GRIN2A: variants seen among roughly 807,000 people sequenced by gnomAD.
GRIN2A encodes glutamate ionotropic receptor NMDA type subunit 2A.
In GRIN2A, 22 loss-of-function variants were observed where a neutral mutation model predicts 113.4. The ratio of observed to expected loss-of-function variants is 0.19; its 90% CI spans 0.14 to 0.28. The LOEUF (loss-of-function observed/expected upper bound fraction) is 0.28. Among genes scored for constraint, GRIN2A ranks in the 10% least tolerant of loss-of-function variants. The pLI, the probability that GRIN2A is intolerant of heterozygous loss-of-function variation, is 1.00. For missense variants in GRIN2A, 1,502 were observed against 1,887.0 expected (o/e 0.80, Z 3.78); for synonymous variants, 827 against 738.4 (o/e 1.12, Z -1.94).
intron 2 of GRIN2A, among the ~76,000 whole-genome samples, chr16:10,064,563 T>C (rs7197200): frequency 0.14 from 21,226 of 152,228 alleles, 2,053 homozygotes; most frequent in African/African-American, 0.27. Context: ...GCTTTTATGA[T>C]CCAGGTCTCC....
rs2050246869 is a variant in GRIN2A, at chr16:10,180,487, G to A, written c.-18-58C>T. On this transcript the variant is annotated intron_variant, in intron 1 of 12. Transcript: ENST00000330684. This position sits in a 1 kb window ranked among gnomAD's most constrained non-coding sequence, Gnocchi z 7.0. ...GTGAGCAAGGCGACCAGAAGAAAGG[G>A]ATTACCAACTTGGCTTCCTGCTCTA... 1 of 1,548,570 alleles carries A rather than the reference G, an allele frequency of 6.5e-7. No homozygotes were observed. The highest frequency in any genetic ancestry group is 1.4e-5 in the African/African-American group (1 of 73,774).
chr16:10,098,765 C>T (rs2048340842), intron 2 of GRIN2A, among the ~76,000 whole-genome samples: 1 of 152,062 alleles, frequency 6.6e-6, no homozygotes, highest in Admixed American at 6.5e-5. Flanking sequence ...TATGAGAATG[C>T]AAAGGCATAA....
intron 2 of GRIN2A, among the ~76,000 whole-genome samples, chr16:10,178,403 GCC>G (rs2050193515): frequency 6.6e-6 from 1 of 152,240 alleles, no homozygotes; most frequent in Admixed American, 6.5e-5. Flanking sequence ...AGCTACATCA[GCC>G]ACTATGTGGT....
At chr16:9,947,600 CA>C (rs1308928004) in intron 2 of GRIN2A, among the ~76,000 whole-genome samples, 1 of 152,206 alleles carries the variant, frequency 6.6e-6, no homozygotes, top group Non-Finnish European at 1.5e-5. Context: ...GAAATGTCTC[CA>C]AACAGCTCTG....
At chr16:10,155,459 A>G (rs1301495119) in intron 2 of GRIN2A, among the ~76,000 whole-genome samples, 5 of 152,132 alleles carry the variant, frequency 3.3e-5, no homozygotes, top group African/African-American at 9.7e-5. Flanking sequence ...CATATTTCAC[A>G]TCTGTATGAT....
chr16:9,808,715 G>A (rs1484206101), intron 10 of GRIN2A, among the ~76,000 whole-genome samples: 1 of 152,060 alleles, frequency 6.6e-6, no homozygotes, highest in East Asian at 1.9e-4. Context: ...TGCACCAAGA[G>A]GCCACTCAGA....
At chr16:10,019,378 G>A (rs1046989799) in intron 2 of GRIN2A, among the ~76,000 whole-genome samples, 1 of 152,112 alleles carries the variant, frequency 6.6e-6, no homozygotes, top group African/African-American at 2.4e-5. Context: ...ATCTATCACA[G>A]TCTGGCATAC....
intron 10 of GRIN2A, among the ~76,000 whole-genome samples, chr16:9,815,533 T>C (rs921611854): frequency 6.6e-5 from 10 of 151,610 alleles, no homozygotes; most frequent in Admixed American, 6.6e-5. Context: ...AAGCGCTCGA[T>C]ACCACTAATC....
chr16:10,123,485 G>A (rs1465421879), intron 2 of GRIN2A, among the ~76,000 whole-genome samples: 37 of 152,128 alleles, frequency 2.4e-4, no homozygotes, highest in Non-Finnish European at 1.3e-4. Context: ...GAAGTCGCAC[G>A]TTGTTTCTAA....
At chr16:9,904,174 A>G (rs1250525490) in intron 3 of GRIN2A, among the ~76,000 whole-genome samples, 1 of 152,218 alleles carries the variant, frequency 6.6e-6, no homozygotes, top group African/African-American at 2.4e-5. Flanking sequence ...ATACCAAACT[A>G]TCACAGTGTG....
chr16:9,762,934 G>T lies in GRIN2A; in HGVS notation c.*215C>A. On this transcript the variant is annotated 3_prime_UTR_variant, in exon 13 of 13. Coordinates refer to ENST00000330684, the MANE Select transcript of GRIN2A (RefSeq NM_001134407.3). ...TTTTTGGTTAAGGACTCACCTATCTGGTGTCTGCCATGCTCAGCACACACC... is the reference window on the plus strand; with the variant it reads ...TTTTTGGTTAAGGACTCACCTATCTTGTGTCTGCCATGCTCAGCACACACC... The T allele has an allele frequency of 1.7e-6, 1 of 605,154 alleles. No homozygotes were observed. The highest frequency in any genetic ancestry group is 2.9e-6 in the Non-Finnish European group (1 of 341,938). The allele number at this position is 605,154 out of a possible 1,614,324, so 37.5% of individuals were successfully genotyped here.
At chr16:9,923,142 G>A (rs887307391) in intron 3 of GRIN2A, among the ~76,000 whole-genome samples, 2 of 151,904 alleles carry the variant, frequency 1.3e-5, no homozygotes, top group East Asian at 1.9e-4. Flanking sequence ...TTATTTTGAA[G>A]CTATACTAGA....
chr16:9,812,712 AAAAC>A (rs1410853356), intron 10 of GRIN2A, among the ~76,000 whole-genome samples: 5 of 152,208 alleles, frequency 3.3e-5, no homozygotes, highest in East Asian at 3.8e-4. Context: ...AAAAATTTAA[AAAAC>A]AAAGAATTGC....
chr16:10,025,188 G>C (rs144317924), intron 2 of GRIN2A, among the ~76,000 whole-genome samples: 74 of 152,132 alleles, frequency 4.9e-4, no homozygotes, highest in African/African-American at 1.7e-3. Context: ...ATTACTAATG[G>C]TGCAGCTGAA....
At chr16:9,864,994 G>C (rs1333874556) in intron 4 of GRIN2A, among the ~76,000 whole-genome samples, 1 of 152,140 alleles carries the variant, frequency 6.6e-6, no homozygotes, top group Non-Finnish European at 1.5e-5. Flanking sequence ...GCACACTGAT[G>C]AGAATTTCAA....
At chr16:9,855,762 G>A (rs1567349247) in intron 4 of GRIN2A, among the ~76,000 whole-genome samples, 1 of 152,172 alleles carries the variant, frequency 6.6e-6, no homozygotes, top group Admixed American at 6.5e-5. Flanking sequence ...AGGGTGAAAG[G>A]ACAGCAGAAA....
chr16:9,963,160 C>G (rs575538356), intron 2 of GRIN2A, among the ~76,000 whole-genome samples: 2 of 149,106 alleles, frequency 1.3e-5, no homozygotes, highest in Non-Finnish European at 3.0e-5. Context: ...AGGAGATATA[C>G]CTAATGCTAA....
intron 2 of GRIN2A, among the ~76,000 whole-genome samples, chr16:9,997,954 T>A (rs1474540352): frequency 6.6e-6 from 1 of 152,328 alleles, no homozygotes; most frequent in Middle Eastern, 3.4e-3. Context: ...TCTTTGTAAA[T>A]TACCCAGTCT....
chr16:10,153,384 G>A (rs187770691), intron 2 of GRIN2A, among the ~76,000 whole-genome samples: 1 of 152,162 alleles, frequency 6.6e-6, no homozygotes, highest in Non-Finnish European at 1.5e-5. Context: ...GTGCTGGGGG[G>A]ACTCTACGAA....
Sources: gnomAD v4.1 joint callset for allele counts (sites outside exome capture counted in the v4.1 genomes callset) on GRCh38, gnomAD v4.1.1 for gene constraint, Gnocchi (gnomAD v3.1) non-coding constraint, MANE v1.5 for transcripts, NCBI Gene and HGNC (gene_info 2026-07-23, HGNC 2026-07-21) for gene names.